Variants in MFSD11 observed in about 807,000 individuals in gnomAD.
MFSD11 encodes the protein UNC93-like protein MFSD11.
MFSD11 carries 36 observed loss-of-function variants against 53.5 expected under a neutral mutation model. That is an observed-to-expected ratio of 0.67 (90% CI 0.52 to 0.89). The LOEUF (loss-of-function observed/expected upper bound fraction) is 0.89, where lower values mean the gene tolerates loss of function less well. Ranked by LOEUF, MFSD11 falls within the 40% of genes least tolerant of loss-of-function variation. The pLI, the probability that MFSD11 is intolerant of heterozygous loss-of-function variation, is 0.00. For synonymous variants in MFSD11, 186 were observed against 184.9 expected (o/e 1.01, Z -0.05); for missense variants, 530 against 543.9 (o/e 0.97, Z 0.25).
intron 11 of MFSD11, among the ~76,000 whole-genome samples, chr17:76,775,519 G>A (rs1254053657): frequency 2.0e-5 from 3 of 152,280 alleles, no homozygotes; most frequent in African/African-American, 7.2e-5. Flanking sequence ...GGAGAACCTG[G>A]CAACCGGGGA....
At chr17:76,785,440 G>A (rs1327257504), downstream of MFSD11, among the ~76,000 whole-genome samples, 3 of 152,066 alleles carry the variant, frequency 2.0e-5, no homozygotes, top group African/African-American at 7.2e-5. Context: ...GGCCTCAAGC[G>A]GTCCTCCCAC....
chr17:76,791,838 CTTGT>C, the MFSD11 span, among the ~76,000 whole-genome samples: 1 of 145,852 alleles, frequency 6.9e-6, no homozygotes, highest in Non-Finnish European at 1.5e-5. Context: ...TGGTTTTTTG[CTTGT>C]TTTTTTTTTT....
chr17:76,755,407 GAGC>G (rs1427946598), intron 8 of MFSD11, among the ~76,000 whole-genome samples: 4 of 152,074 alleles, frequency 2.6e-5, no homozygotes, highest in African/African-American at 9.7e-5. Context: ...CTCAAGAAGA[GAGC>G]AGCCTTTTGA....
At chr17:76,760,097 G>T (rs147935564) in intron 8 of MFSD11, among the ~76,000 whole-genome samples, 1 of 150,380 alleles carries the variant, frequency 6.6e-6, no homozygotes, top group African/African-American at 2.4e-5. Context: ...GCGAAACTCC[G>T]TCTCTACTAA....
At chr17:76,784,344 G>A (rs2082241107), downstream of MFSD11, among the ~76,000 whole-genome samples, 1 of 151,532 alleles carries the variant, frequency 6.6e-6, no homozygotes, top group African/African-American at 2.4e-5. Flanking sequence ...GACCATCCTG[G>A]CCAACACAGT....
At chr17:76,801,072 T>C in the MFSD11 span, among the ~76,000 whole-genome samples, 1 of 146,450 alleles carries the variant, frequency 6.8e-6, no homozygotes, top group Admixed American at 6.8e-5. Context: ...GGAGACTCGG[T>C]CTGAAAAAAA....
intron 10 of MFSD11, among the ~76,000 whole-genome samples, chr17:76,770,915 T>G (rs1279145129): frequency 6.6e-6 from 1 of 152,208 alleles, no homozygotes; most frequent in African/African-American, 2.4e-5. Flanking sequence ...TAGGCATGCT[T>G]GATTAAATCA....
At chr17:76,767,305 G>A in intron 8 of MFSD11, 81 bp from the exon 9 acceptor site, 3 of 806,864 alleles carry the variant, frequency 3.7e-6, no homozygotes, top group South Asian at 3.0e-5. Context: ...GACAAGGGGT[G>A]TTTTGGTTGA....
chr17:76,744,939 T>G (rs1359096136), intron 7 of MFSD11, among the ~76,000 whole-genome samples: 1 of 152,222 alleles, frequency 6.6e-6, no homozygotes, highest in East Asian at 1.9e-4. Context: ...TTGCTTATGG[T>G]GTCCGGCTCT....
At chr17:76,743,867 A>C (rs2078314523) in intron 6 of MFSD11, among the ~76,000 whole-genome samples, 1 of 152,114 alleles carries the variant, frequency 6.6e-6, no homozygotes, top group African/African-American at 2.4e-5. Context: ...CGCCCTCCTC[A>C]GCCTCCCAAA....
At chr17:76,760,058 A>G (rs982831101) in intron 8 of MFSD11, among the ~76,000 whole-genome samples, 4 of 151,390 alleles carry the variant, frequency 2.6e-5, no homozygotes, top group African/African-American at 4.9e-5. Context: ...ACCTAAGGTC[A>G]GGAGTTCGAG....
chr17:76,773,362 C>G (rs2081536844), intron 10 of MFSD11: 1 of 152,176 alleles, frequency 6.6e-6, no homozygotes, highest in Non-Finnish European at 1.5e-5. Flanking sequence ...GTGAGTGATT[C>G]CGTTTTTCTG....
At chr17:76,779,968 T>C (rs1267474339), downstream of MFSD11, among the ~76,000 whole-genome samples, 2 of 152,354 alleles carry the variant, frequency 1.3e-5, no homozygotes, top group Middle Eastern at 3.4e-3. Flanking sequence ...CCGTCATTTA[T>C]GTGTCCTCCT....
intron 7 of MFSD11, among the ~76,000 whole-genome samples, chr17:76,750,199 G>A (rs2078933643): frequency 6.6e-6 from 1 of 152,014 alleles, no homozygotes; most frequent in South Asian, 2.1e-4. Flanking sequence ...GGCCTGAAGG[G>A]TAAAATATTG....
In MFSD11 at chr17:76,776,632, AATTTTTATTTATTT is replaced by A; in HGVS notation, c.1185+102_1185+115del. 1 of 1,212,226 alleles carries A rather than the reference AATTTTTATTTATTT, an allele frequency of 8.2e-7. No homozygotes were observed. Among genetic ancestry groups the A allele is most frequent in the Admixed American group, 2.7e-5 (1 of 36,976 alleles). The allele number at this position is 1,212,226 out of a possible 1,614,324, so 75.1% of individuals were successfully genotyped here. A position where few individuals can be genotyped will look rare whatever the true frequency, so the allele number is the denominator to read the frequency against. The stretch of plus-strand genomic sequence containing the variant: ...CCTTGGTTACTTGTATTGTGGTTTT[AATTTTTATTTATTT>A]ATTTTTATTTTTTTGATAGAGTCTC... On this transcript the variant is annotated intron_variant, in intron 12 of 12. Coordinates refer to ENST00000685175, the MANE Select transcript of MFSD11 (RefSeq NM_001242532.5). The surrounding 1 kb of genome is among the most constrained non-coding windows in gnomAD (Gnocchi z 4.2).
At chr17:76,769,139 A>G (rs1293953029) in intron 9 of MFSD11, 3 of 152,284 alleles carry the variant, frequency 2.0e-5, no homozygotes, top group Non-Finnish European at 4.4e-5. Context: ...ACATAAGGAT[A>G]TCTGTTCATT....
At chr17:76,761,362 G>A (rs996334844) in intron 8 of MFSD11, among the ~76,000 whole-genome samples, 17 of 152,106 alleles carry the variant, frequency 1.1e-4, no homozygotes, top group African/African-American at 4.1e-4. Flanking sequence ...AAATATTGTG[G>A]CAAGATCTAG....
intron 8 of MFSD11, among the ~76,000 whole-genome samples, chr17:76,759,666 C>G (rs982580351): frequency 6.7e-6 from 1 of 150,366 alleles, no homozygotes; most frequent in Non-Finnish European, 1.5e-5. Context: ...ACTGTGTTAA[C>G]CAGGATGGTC....
intron 9 of MFSD11, among the ~76,000 whole-genome samples, chr17:76,768,305 CAAA>C (rs78066438): frequency 6.4e-5 from 3 of 46,756 alleles, no homozygotes; most frequent in Admixed American, 2.4e-4. Context: ...ACCTCCGTCT[CAAA>C]AAAAAAAAAA....
Sources: allele counts gnomAD v4.1 joint callset (sites outside exome capture counted in the v4.1 genomes callset), GRCh38; gene constraint gnomAD v4.1.1; non-coding constraint Gnocchi (gnomAD v3.1); transcripts MANE v1.5; gene names NCBI Gene and HGNC (gene_info 2026-07-23, HGNC 2026-07-21).